MARCHF1: variants seen among roughly 807,000 people sequenced by gnomAD.
MARCHF1 encodes the protein membrane associated ring-CH-type finger 1, also known as E3 ubiquitin-protein ligase MARCHF1.
Under a neutral mutation model 54.2 loss-of-function variants are expected in MARCHF1, and 40 were observed. The ratio of observed to expected loss-of-function variants is 0.74; its 90% CI spans 0.57 to 0.96. The LOEUF (loss-of-function observed/expected upper bound fraction) is 0.96, where lower values mean the gene tolerates loss of function less well. Among genes scored for constraint, MARCHF1 ranks in the 40% least tolerant of loss-of-function variants. The pLI, the probability that MARCHF1 is intolerant of heterozygous loss-of-function variation, is 0.00. For synonymous variants in MARCHF1, 236 were observed against 236.3 expected (o/e 1.00, Z 0.01); for missense variants, 586 against 656.5 (o/e 0.89, Z 1.17).
At position 164,346,648 on chromosome 4, in the gene MARCHF1, A is replaced by G. The variant is rs1201705626; in HGVS notation, c.-323+37222T>C. ...TATATATATATATATATATATATAT[A>G]TATATATATATATATATATATGTCC... On this transcript the variant is annotated intron_variant, in intron 1 of 9. Transcript: ENST00000514618. Among the ~76,000 whole-genome samples, 28 of 23,400 alleles carry G rather than the reference A, an allele frequency of 1.2e-3. 2 individuals are homozygous for G. Among genetic ancestry groups the G allele is most frequent in the Admixed American group, 3.3e-3 (9 of 2,712 alleles). 15.4% of individuals were successfully genotyped at this position (23,400 alleles called of 152,430 possible).
At position 164,167,288 on chromosome 4, in the gene MARCHF1, T is replaced by C. The variant is rs368144161; in HGVS notation, c.-322-55626A>G. 3.6e-4 allele frequency among the ~76,000 whole-genome samples: 55 copies of C among 151,878 alleles called. No individual in the cohort carries two copies. The South Asian group carries it at 0.011, about 30-fold the overall frequency. Reference sequence around the variant, plus strand: ...TGAAAGAAATTGAAGAAGATACAAATAAATGGAAGGGTATATTATATTTGT... The same window carrying C: ...TGAAAGAAATTGAAGAAGATACAAACAAATGGAAGGGTATATTATATTTGT... On this transcript the variant is annotated intron_variant, in intron 1 of 9. Transcript: ENST00000514618.
intron 3 of MARCHF1, among the ~76,000 whole-genome samples, chr4:163,916,545 C>A (rs1751311890): frequency 7.3e-6 from 1 of 137,236 alleles, no homozygotes; most frequent in African/African-American, 3.0e-5. Context: ...ATGATCACTG[C>A]CTCCCTGGTG....
rs114434668 is a variant in MARCHF1, at chr4:163,786,662, C to T, written c.111+67359G>A. Among the ~76,000 whole-genome samples, 1,018 of 151,822 alleles carry T rather than the reference C, an allele frequency of 6.7e-3. 8 individuals carry two copies. The highest frequency in any genetic ancestry group is 0.03 in the South Asian group (145 of 4,798). On this transcript the variant is annotated intron_variant, in intron 4 of 9. Transcript: ENST00000514618. The stretch of plus-strand genomic sequence containing the variant: ...AAAGTTTAGTTGGATGCCATAGTAC[C>T]CCTAGCAATCCACAGATTCAATGCA...
chr4:163,864,570 A>T (rs1750011192), intron 3 of MARCHF1, among the ~76,000 whole-genome samples: 1 of 152,026 alleles, frequency 6.6e-6, no homozygotes, highest in Admixed American at 6.6e-5. Context: ...ATTAATATTG[A>T]TTCACTAATT....
chr4:163,921,897 C>T (rs536652222), intron 3 of MARCHF1, among the ~76,000 whole-genome samples: 1 of 152,210 alleles, frequency 6.6e-6, no homozygotes, highest in East Asian at 1.9e-4. Context: ...ATAAATCATG[C>T]TGCTATAAAG....
rs1433953893 is a variant in MARCHF1, at chr4:163,733,246, T to C, written c.112-32383A>G. On this transcript the variant is annotated intron_variant, in intron 4 of 9. Transcript: ENST00000514618. The stretch of plus-strand genomic sequence containing the variant: ...ACACGTGTATATATATATATACACG[T>C]GTATATATATATACACACACACACA... Among the ~76,000 whole-genome samples the C allele has an allele frequency of 2.7e-4, 11 of 40,978 alleles. 1 individual carries two copies. The highest frequency in any genetic ancestry group is 8.7e-4 in the African/African-American group (11 of 12,586). 26.9% of individuals were successfully genotyped at this position (40,978 alleles called of 152,430 possible).
At chr4:164,146,155 G>A (rs1424189672) in intron 1 of MARCHF1, among the ~76,000 whole-genome samples, 5 of 140,106 alleles carry the variant, frequency 3.6e-5, no homozygotes, top group African/African-American at 1.1e-4. Context: ...ACAAACCACT[G>A]CTCAAGAAAA....
At chr4:163,888,069 G>A (rs1750577927) in intron 3 of MARCHF1, among the ~76,000 whole-genome samples, 1 of 152,138 alleles carries the variant, frequency 6.6e-6, no homozygotes, top group Non-Finnish European at 1.5e-5. Flanking sequence ...GTGAAAATAG[G>A]ATGTCTGCGC....
intron 9 of MARCHF1, 35 bp from the exon 10 acceptor site, chr4:163,529,081 G>A: frequency 6.5e-7 from 1 of 1,530,116 alleles, no homozygotes; most frequent in Non-Finnish European, 8.8e-7. Flanking sequence ...TTATCACCAA[G>A]TTGTCCTCAG....
At chr4:163,903,981 AT>A (rs1247860569) in intron 3 of MARCHF1, among the ~76,000 whole-genome samples, 1 of 152,178 alleles carries the variant, frequency 6.6e-6, no homozygotes, top group Non-Finnish European at 1.5e-5. Flanking sequence ...AGTGTTTTTA[AT>A]TATTGTGCTT....
At chr4:164,071,633 T>C (rs1754869258) in intron 2 of MARCHF1, among the ~76,000 whole-genome samples, 1 of 152,132 alleles carries the variant, frequency 6.6e-6, no homozygotes, top group South Asian at 2.1e-4. Flanking sequence ...TCATAAGGAA[T>C]ACTTAAAATT....
intron 3 of MARCHF1, among the ~76,000 whole-genome samples, chr4:163,925,108 C>CAACCTCA (rs1407262545): frequency 5.9e-5 from 9 of 151,748 alleles, no homozygotes; most frequent in Non-Finnish European, 1.0e-4. Flanking sequence ...TTCTTATAGA[C>CAACCTCA]CTTGTTACAG....
chr4:163,708,040 C>T (rs543613503), intron 4 of MARCHF1, among the ~76,000 whole-genome samples: 3 of 151,808 alleles, frequency 2.0e-5, no homozygotes, highest in Non-Finnish European at 4.4e-5. Flanking sequence ...TTTCTATAGG[C>T]TTCTTGTGTT....
chr4:163,641,281 G>A (rs530544516), intron 5 of MARCHF1, among the ~76,000 whole-genome samples: 57 of 151,938 alleles, frequency 3.8e-4, no homozygotes, highest in African/African-American at 1.4e-3. Context: ...GATTGACAAC[G>A]CATAGGGAAA....
intron 1 of MARCHF1, among the ~76,000 whole-genome samples, chr4:164,133,197 G>A (rs1014912340): frequency 1.3e-4 from 20 of 152,286 alleles, no homozygotes; most frequent in East Asian, 5.8e-4. Flanking sequence ...GGCAGAATGC[G>A]TATATTCTAG....
At chr4:163,910,576 C>T (rs1395207371) in intron 3 of MARCHF1, among the ~76,000 whole-genome samples, 2 of 152,140 alleles carry the variant, frequency 1.3e-5, no homozygotes, top group East Asian at 1.9e-4. Context: ...CTCACTGCAC[C>T]CTTCACCTCT....
intron 1 of MARCHF1, chr4:164,197,191 T>C (rs1731293036): frequency 1.2e-6 from 2 of 1,609,108 alleles, no homozygotes; most frequent in South Asian, 2.2e-5. Context: ...TTCATCATAC[T>C]CCTCCTCATG....
In MARCHF1 at chr4:163,612,318, C is replaced by T. The variant is rs977174039; in HGVS notation, c.963G>A (p.Lys321=). 1.3e-6 allele frequency: 2 copies of T among 1,527,778 alleles called. No individual in the cohort carries two copies. Among genetic ancestry groups the T allele is most frequent in the African/African-American group, 2.8e-5 (2 of 72,280 alleles). 94.6% of individuals were successfully genotyped at this position (1,527,778 alleles called of 1,614,324 possible). Residue 321 remains lysine, a synonymous_variant, in exon 7 of 10, where the codon AAG becomes AAA. Transcript: ENST00000514618. The stretch of plus-strand genomic sequence containing the variant: ...ACCCATCGTCATAGGTGGCAGGAGG[C>T]TTCTGAACAGGGTTATTCACCTGGA... ...AGLQVNNPVQ[K]PPATYDDGSD... is the part of the protein sequence containing the mutation.
At chr4:164,060,811 T>C (rs1021408998) in intron 2 of MARCHF1, among the ~76,000 whole-genome samples, 1 of 152,210 alleles carries the variant, frequency 6.6e-6, no homozygotes, top group African/African-American at 2.4e-5. Flanking sequence ...ACAACGAAGA[T>C]GTTCCTCTCT....
Sources: allele counts gnomAD v4.1 joint callset (sites outside exome capture counted in the v4.1 genomes callset), GRCh38; gene constraint gnomAD v4.1.1; transcripts MANE v1.5; gene names NCBI Gene and HGNC (gene_info 2026-07-23, HGNC 2026-07-21).